The following PLA2G4A variants were observed in gnomAD, a reference collection of about 807,000 sequenced individuals.
PLA2G4A encodes cytosolic phospholipase A2.
PLA2G4A carries 40 observed loss-of-function variants against 81.9 expected under a neutral mutation model. The ratio of observed to expected loss-of-function variants is 0.49; its 90% CI spans 0.38 to 0.64. The LOEUF is 0.64. Ranked by LOEUF, PLA2G4A falls within the 30% of genes least tolerant of loss-of-function variation. PLA2G4A has a pLI of 0.00. For missense variants in PLA2G4A, 715 were observed against 905.1 expected, an observed-to-expected ratio of 0.79 and a Z score of 2.69; for synonymous variants, 302 against 296.9, an observed-to-expected ratio of 1.02 and a Z score of -0.18.
chr1:186,833,896 T>A (rs1016858789), intron 1 of PLA2G4A, among the ~76,000 whole-genome samples: 5 of 152,206 alleles, frequency 3.3e-5, no homozygotes, highest in Non-Finnish European at 7.3e-5. Flanking sequence ...TGTCAGAGTT[T>A]AGCCATCACT....
intron 15 of PLA2G4A, among the ~76,000 whole-genome samples, chr1:186,971,372 T>G (rs1657350453): frequency 6.6e-6 from 1 of 152,030 alleles, no homozygotes; most frequent in African/African-American, 2.4e-5. Context: ...CATTTCTACC[T>G]GTGCATTCTC....
At chr1:186,954,925 G>T (rs2102253082) in intron 13 of PLA2G4A, among the ~76,000 whole-genome samples, 1 of 152,262 alleles carries the variant, frequency 6.6e-6, no homozygotes, top group Non-Finnish European at 1.5e-5. Flanking sequence ...TTTAATACGA[G>T]CCAGGCATTT....
At chr1:186,922,755 C>T (rs1655397503) in intron 7 of PLA2G4A, among the ~76,000 whole-genome samples, 1 of 152,198 alleles carries the variant, frequency 6.6e-6, no homozygotes, top group Non-Finnish European at 1.5e-5. Flanking sequence ...GGAGCATCGG[C>T]AAGACTCCTG....
At chr1:186,912,743 T>TATATATACATATATATAC (rs1654996693) in intron 7 of PLA2G4A, among the ~76,000 whole-genome samples, 1 of 143,722 alleles carries the variant, frequency 7.0e-6, no homozygotes, top group African/African-American at 2.6e-5. Context: ...TATATATACA[T>TATATATACATATATATAC]ATATATGTAT....
intron 1 of PLA2G4A, among the ~76,000 whole-genome samples, chr1:186,836,650 A>G (rs189072636): frequency 6.6e-6 from 1 of 152,296 alleles, no homozygotes; most frequent in East Asian, 1.9e-4. Flanking sequence ...GCAGATGTTA[A>G]TGTCAATCAG....
intron 8 of PLA2G4A, among the ~76,000 whole-genome samples, chr1:186,938,396 G>A (rs1656028940): frequency 6.6e-6 from 1 of 152,056 alleles, no homozygotes; most frequent in Non-Finnish European, 1.5e-5. Context: ...TCGTAAGAAA[G>A]CATTTACTTT....
intron 5 of PLA2G4A, among the ~76,000 whole-genome samples, chr1:186,902,812 T>TC (rs1654593076): frequency 7.0e-6 from 1 of 142,400 alleles, no homozygotes; most frequent in Admixed American, 7.3e-5. Context: ...CTCCCCTATC[T>TC]CCCCTTGCTG....
intron 2 of PLA2G4A, among the ~76,000 whole-genome samples, chr1:186,863,911 C>A (rs1652915541): frequency 6.6e-6 from 1 of 152,010 alleles, no homozygotes; most frequent in Non-Finnish European, 1.5e-5. Flanking sequence ...CAGGTGCCTG[C>A]CACCACGCCT....
At chr1:186,867,015 G>A (rs933958600) in intron 2 of PLA2G4A, among the ~76,000 whole-genome samples, 7 of 151,854 alleles carry the variant, frequency 4.6e-5, no homozygotes, top group South Asian at 2.1e-4. Flanking sequence ...ATTTATGTGC[G>A]TCTGTTTTCT....
At chr1:186,936,380 A>G (rs1230877241) in intron 8 of PLA2G4A, among the ~76,000 whole-genome samples, 5 of 151,988 alleles carry the variant, frequency 3.3e-5, no homozygotes, top group Admixed American at 3.3e-4. Context: ...CTTCTTCCCT[A>G]ATGAATCTCT....
intron 7 of PLA2G4A, among the ~76,000 whole-genome samples, chr1:186,913,164 T>C (rs996709695): frequency 1.3e-5 from 2 of 151,782 alleles, no homozygotes; most frequent in African/African-American, 4.8e-5. Context: ...TATTTGTTTA[T>C]AATATATTTG....
intron 1 of PLA2G4A, among the ~76,000 whole-genome samples, chr1:186,839,005 A>C (rs955958210): frequency 6.6e-6 from 1 of 152,220 alleles, no homozygotes; most frequent in Non-Finnish European, 1.5e-5. Flanking sequence ...CATAATCAAA[A>C]TATCTTTTCA....
intron 2 of PLA2G4A, among the ~76,000 whole-genome samples, chr1:186,858,779 C>A (rs1247107068): frequency 2.0e-5 from 3 of 151,924 alleles, no homozygotes; most frequent in African/African-American, 7.3e-5. Context: ...GTTAGTTTCT[C>A]CAACATCAGG....
chr1:186,922,790 G>T (rs1179151997), intron 7 of PLA2G4A, among the ~76,000 whole-genome samples: 5 of 152,224 alleles, frequency 3.3e-5, no homozygotes, highest in African/African-American at 1.2e-4. Context: ...CTCCCTGAGT[G>T]AGCAATTCCT....
chr1:186,891,122 A>G (rs1398512517), intron 3 of PLA2G4A, among the ~76,000 whole-genome samples: 1 of 151,822 alleles, frequency 6.6e-6, no homozygotes, highest in Non-Finnish European at 1.5e-5. Context: ...AAAAAAAAGT[A>G]TTTTTCAATT....
intron 3 of PLA2G4A, among the ~76,000 whole-genome samples, chr1:186,884,999 A>G (rs1262976888): frequency 6.6e-6 from 1 of 152,036 alleles, no homozygotes; most frequent in Non-Finnish European, 1.5e-5. Flanking sequence ...TGATAGGGAT[A>G]TGGGAAGTAG....
chr1:186,944,322 G>A lies in PLA2G4A; in HGVS notation c.1034-2315G>A, dbSNP rs192396776. Among the ~76,000 whole-genome samples the A allele has an allele frequency of 2.0e-5, 3 of 152,252 alleles. No individual in the cohort carries two copies. The East Asian group carries it at 5.8e-4, about 29-fold the overall frequency. On this transcript the variant is annotated intron_variant, in intron 10 of 17. Coordinates refer to ENST00000367466, the MANE Select transcript of PLA2G4A (RefSeq NM_024420.3). Reference sequence around the variant, plus strand: ...CACCGTGAGTTCTTCAGTGAGGGGTGCAGAGCTCATTTTAGCTTTTGAGAA... The same window carrying A: ...CACCGTGAGTTCTTCAGTGAGGGGTACAGAGCTCATTTTAGCTTTTGAGAA...
At position 186,946,932 on chromosome 1, in the gene PLA2G4A, G is replaced by A. The variant is rs1197422434; in HGVS notation, c.1235G>A (p.Ser412Asn). The change falls in exon 12 of 18, where the codon AGC becomes AAC. Residue 412 changes from serine to asparagine, a missense_variant. By Grantham distance (46) the Ser-to-Asn change is conservative (BLOSUM62 1). Coordinates refer to ENST00000367466, the MANE Select transcript of PLA2G4A (RefSeq NM_024420.3). ...NRVLGVSGSQ[S>N]RGSTMEEELE... is the part of the protein sequence containing the mutation. ...GTTTTGGGCGTTTCTGGTTCACAAAGCAGAGGCTCCACAATGGAGGAAGAA... is the reference window on the plus strand; with the variant it reads ...GTTTTGGGCGTTTCTGGTTCACAAAACAGAGGCTCCACAATGGAGGAAGAA... 3 of 1,608,988 alleles carry A rather than the reference G, an allele frequency of 1.9e-6. No homozygotes were observed. Among genetic ancestry groups the A allele is most frequent in the Non-Finnish European group, 2.6e-6 (3 of 1,175,478 alleles).
chr1:186,973,019 G>A (rs1180680023), intron 15 of PLA2G4A, among the ~76,000 whole-genome samples: 1 of 152,160 alleles, frequency 6.6e-6, no homozygotes, highest in Non-Finnish European at 1.5e-5. Flanking sequence ...TTAGCTTTGT[G>A]GGCACCAATC....
Sources: allele counts gnomAD v4.1 joint callset (sites outside exome capture counted in the v4.1 genomes callset), GRCh38; gene constraint gnomAD v4.1.1; transcripts MANE v1.5; gene names NCBI Gene and HGNC (gene_info 2026-07-23, HGNC 2026-07-21).